PABPC4L: variants seen among roughly 807,000 people sequenced by gnomAD.
PABPC4L encodes polyadenylate-binding protein 4-like.
For synonymous variants in PABPC4L, 169 were observed against 164.1 expected, an observed-to-expected ratio of 1.03 and a Z score of -0.23; for missense variants, 452 against 451.4, an observed-to-expected ratio of 1.00 and a Z score of -0.01.
At chr4:134,054,857 A>G in the PABPC4L span, among the ~76,000 whole-genome samples, 4 of 152,094 alleles carry the variant, frequency 2.6e-5, no homozygotes, top group African/African-American at 9.7e-5. Flanking sequence ...TTGTGTGAAC[A>G]TACAATTTCA....
chr4:133,964,294 C>G, the PABPC4L span, among the ~76,000 whole-genome samples: 20 of 150,892 alleles, frequency 1.3e-4, no homozygotes, highest in African/African-American at 4.9e-4. Flanking sequence ...CTAAACAGAC[C>G]AATAACAAGC....
At chr4:133,995,831 G>C in the PABPC4L span, among the ~76,000 whole-genome samples, 1 of 152,148 alleles carries the variant, frequency 6.6e-6, no homozygotes, top group Non-Finnish European at 1.5e-5. Flanking sequence ...TGGCTGGGCT[G>C]TAAGGTTGTT....
At chr4:134,166,925 GCTTCAAGCACC>G in the PABPC4L span, among the ~76,000 whole-genome samples, 1 of 151,998 alleles carries the variant, frequency 6.6e-6, no homozygotes, top group South Asian at 2.1e-4. Context: ...TCTTCTCTTT[GCTTCAAGCACC>G]CTTCAATCAT....
chr4:134,169,373 A>G, the PABPC4L span, among the ~76,000 whole-genome samples: 1 of 152,074 alleles, frequency 6.6e-6, no homozygotes, highest in South Asian at 2.1e-4. Context: ...CCTTTCCTCT[A>G]AGTTCTGGAA....
chr4:134,033,295 CCAGT>C, the PABPC4L span, among the ~76,000 whole-genome samples: 1 of 151,694 alleles, frequency 6.6e-6, no homozygotes, highest in Non-Finnish European at 1.5e-5. Context: ...GCTCCACAGA[CCAGT>C]CATTCTGTTG....
the PABPC4L span, among the ~76,000 whole-genome samples, chr4:134,075,717 A>G: frequency 6.6e-6 from 1 of 152,038 alleles, no homozygotes; most frequent in Non-Finnish European, 1.5e-5. Context: ...TTTTATTATT[A>G]TATTTTTTCT....
chr4:134,017,859 C>G, the PABPC4L span, among the ~76,000 whole-genome samples: 1 of 152,060 alleles, frequency 6.6e-6, no homozygotes, highest in Non-Finnish European at 1.5e-5. Context: ...CCGCTTGAAG[C>G]AGCCCTGAGA....
chr4:134,019,965 A>T, the PABPC4L span, among the ~76,000 whole-genome samples: 2 of 152,224 alleles, frequency 1.3e-5, no homozygotes, highest in South Asian at 4.1e-4. Context: ...TGTTTCTCAC[A>T]CCCACTCACC....
chr4:134,078,291 C>T, the PABPC4L span, among the ~76,000 whole-genome samples: 3 of 152,182 alleles, frequency 2.0e-5, no homozygotes, highest in Admixed American at 1.3e-4. Context: ...TAATGAGCAC[C>T]AAAAGCACGT....
At chr4:134,048,657 A>T in the PABPC4L span, among the ~76,000 whole-genome samples, 1 of 152,118 alleles carries the variant, frequency 6.6e-6, no homozygotes, top group Admixed American at 6.5e-5. Flanking sequence ...ACTTGTAGAT[A>T]TAGTAGTAAT....
chr4:134,077,916 A>G, the PABPC4L span, among the ~76,000 whole-genome samples: 1 of 152,178 alleles, frequency 6.6e-6, no homozygotes, highest in Non-Finnish European at 1.5e-5. Flanking sequence ...ATAGAACATC[A>G]GCACCTAGGC....
At chr4:134,193,975 A>T (rs1211429140), downstream of PABPC4L, among the ~76,000 whole-genome samples, 2 of 151,966 alleles carry the variant, frequency 1.3e-5, no homozygotes, top group East Asian at 3.8e-4. Flanking sequence ...AGTGAAAGAT[A>T]CCTGAAAGAG....
chr4:134,141,874 A>G, the PABPC4L span, among the ~76,000 whole-genome samples: 1 of 151,686 alleles, frequency 6.6e-6, no homozygotes. Flanking sequence ...GGTCTGATAG[A>G]CACATAAAAA....
At chr4:134,137,481 G>A in the PABPC4L span, among the ~76,000 whole-genome samples, 1 of 151,576 alleles carries the variant, frequency 6.6e-6, no homozygotes, top group Non-Finnish European at 1.5e-5. Flanking sequence ...TATTTCACTG[G>A]ATTTCAGGAA....
At chr4:133,987,710 A>T in the PABPC4L span, among the ~76,000 whole-genome samples, 1 of 152,200 alleles carries the variant, frequency 6.6e-6, no homozygotes, top group Admixed American at 6.5e-5. Flanking sequence ...TAAAATTATC[A>T]AAATAATCAA....
chr4:133,986,135 T>A, the PABPC4L span, among the ~76,000 whole-genome samples: 1 of 152,124 alleles, frequency 6.6e-6, no homozygotes, highest in Admixed American at 6.6e-5. Flanking sequence ...CACTTTTAAG[T>A]TTTATAATTA....
the PABPC4L span, among the ~76,000 whole-genome samples, chr4:133,958,233 G>A: frequency 6.6e-6 from 1 of 152,062 alleles, no homozygotes; most frequent in East Asian, 1.9e-4. Context: ...TCTAGGGGAG[G>A]GGCAAAATGC....
chr4:134,112,775 A>G, the PABPC4L span, among the ~76,000 whole-genome samples: 1 of 151,916 alleles, frequency 6.6e-6, no homozygotes, highest in Non-Finnish European at 1.5e-5. Context: ...GCTTTCTAGA[A>G]TAGTATTAGA....
At chr4:133,995,439 C>G in the PABPC4L span, among the ~76,000 whole-genome samples, 2 of 152,140 alleles carry the variant, frequency 1.3e-5, no homozygotes, top group Non-Finnish European at 2.9e-5. Context: ...CTCTGATTGC[C>G]TGCATTGCTT....
Sources: gnomAD v4.1 joint callset for allele counts (sites outside exome capture counted in the v4.1 genomes callset) on GRCh38, gnomAD v4.1.1 for gene constraint, MANE v1.5 for transcripts, NCBI Gene and HGNC (gene_info 2026-07-23, HGNC 2026-07-21) for gene names.